PARD3: variants seen among roughly 807,000 people sequenced by gnomAD.
PARD3 encodes partitioning defective 3 homolog.
Under a neutral mutation model 155.4 loss-of-function variants are expected in PARD3, and 75 were observed. That is an observed-to-expected ratio of 0.48 (90% confidence interval 0.40 to 0.58). The LOEUF (loss-of-function observed/expected upper bound fraction) is 0.58, where lower values mean the gene tolerates loss of function less well. Ranked by LOEUF, PARD3 falls within the 20% of genes least tolerant of loss-of-function variation. PARD3 has a pLI of 0.00. For synonymous variants in PARD3, 576 were observed against 610.5 expected, an observed-to-expected ratio of 0.94 and a Z score of 0.83; for missense variants, 1,642 against 1,721.7, an observed-to-expected ratio of 0.95 and a Z score of 0.82.
intron 1 of PARD3, among the ~76,000 whole-genome samples, chr10:34,786,350 C>T (rs1564618666): frequency 6.6e-6 from 1 of 152,130 alleles, no homozygotes; most frequent in Non-Finnish European, 1.5e-5. Flanking sequence ...AGCTTTGACC[C>T]ATAACTATTG....
intron 22 of PARD3, among the ~76,000 whole-genome samples, chr10:34,233,533 C>A (rs1358446243): frequency 6.6e-6 from 1 of 152,076 alleles, no homozygotes; most frequent in Admixed American, 6.5e-5. Context: ...ACATATCTAA[C>A]CATTTGCTTG....
chr10:34,569,165 T>A (rs1057301301), intron 2 of PARD3, among the ~76,000 whole-genome samples: 1 of 152,068 alleles, frequency 6.6e-6, no homozygotes, highest in African/African-American at 2.4e-5. Context: ...AAATACAACA[T>A]GAGAAAAATT....
chr10:34,187,292 C>T (rs1950531181), intron 22 of PARD3, among the ~76,000 whole-genome samples: 1 of 152,184 alleles, frequency 6.6e-6, no homozygotes, highest in African/African-American at 2.4e-5. Flanking sequence ...ATTGAAGTGG[C>T]TCCACCATGA....
chr10:34,359,754 G>A (rs1256348541), intron 13 of PARD3, among the ~76,000 whole-genome samples: 1 of 152,190 alleles, frequency 6.6e-6, no homozygotes, highest in Non-Finnish European at 1.5e-5. Context: ...ACAAACAGGG[G>A]AGGGGAGGGG....
At chr10:34,699,533 T>C (rs2094235304) in intron 1 of PARD3, among the ~76,000 whole-genome samples, 1 of 152,084 alleles carries the variant, frequency 6.6e-6, no homozygotes. Flanking sequence ...AAGGGAAGAG[T>C]CCAGTATCCA....
chr10:34,530,287 T>C (rs1589896209), intron 2 of PARD3, among the ~76,000 whole-genome samples: 2 of 152,166 alleles, frequency 1.3e-5, no homozygotes, highest in African/African-American at 2.4e-5. Flanking sequence ...CCAACCCTTC[T>C]TCCACTGTTC....
At chr10:34,547,326 T>C (rs529008336) in intron 2 of PARD3, among the ~76,000 whole-genome samples, 41 of 152,374 alleles carry the variant, frequency 2.7e-4, no homozygotes, top group Admixed American at 1.8e-3. Flanking sequence ...ATCACATGCA[T>C]AGCATTTTTT....
At chr10:34,418,350 T>G (rs748354718) in intron 5 of PARD3, among the ~76,000 whole-genome samples, 11 of 152,076 alleles carry the variant, frequency 7.2e-5, no homozygotes, top group Middle Eastern at 3.2e-3. Flanking sequence ...AATTCTTATA[T>G]TTTTCTAGAG....
chr10:34,589,732 A>G lies in PARD3; in HGVS notation c.223-72573T>C, dbSNP rs2088486790. 4.6e-5 allele frequency among the ~76,000 whole-genome samples: 5 copies of G among 108,798 alleles called. No individual in the cohort carries two copies. The South Asian group carries it at 1.7e-3, about 37-fold the overall frequency. The allele number at this position is 108,798 out of a possible 152,430, so 71.4% of individuals were successfully genotyped here. ...AACTCATTGTATCTTGTTAATCCTG[A>G]ATTCACAGTTTTACTGGGGGGCTGG... On this transcript the variant is annotated intron_variant, in intron 2 of 24. Coordinates refer to ENST00000374788, the MANE Select transcript of PARD3 (RefSeq NM_001184785.2).
At chr10:34,298,761 C>T (rs1466808825) in intron 20 of PARD3, among the ~76,000 whole-genome samples, 3 of 152,042 alleles carry the variant, frequency 2.0e-5, no homozygotes, top group East Asian at 1.9e-4. Context: ...TATTTCACCA[C>T]GATTTAAAAT....
rs116667769 is a variant in PARD3, at chr10:34,630,087, G to A, written c.222+66231C>T. ...GGCCTATCAAACTAGAAGAGGGAGG[G>A]AGAGAGGAAATGGAGAAAGTGATCT... On this transcript the variant is annotated intron_variant, in intron 2 of 24. Transcript: ENST00000374788. Among the ~76,000 whole-genome samples, 1,107 of 152,184 alleles carry A rather than the reference G, an allele frequency of 7.3e-3. 14 individuals carry two copies. The highest frequency in any genetic ancestry group is 0.026 in the African/African-American group (1,066 of 41,514).
intron 20 of PARD3, among the ~76,000 whole-genome samples, chr10:34,316,158 A>G (rs1957993067): frequency 6.6e-6 from 1 of 152,240 alleles, no homozygotes; most frequent in African/African-American, 2.4e-5. Flanking sequence ...ATAATGCAGG[A>G]TAACTACTTT....
intron 1 of PARD3, among the ~76,000 whole-genome samples, chr10:34,757,253 C>A (rs1315335544): frequency 6.6e-6 from 1 of 152,150 alleles, no homozygotes; most frequent in Admixed American, 6.5e-5. Flanking sequence ...AATTACTAGT[C>A]AGCACTAAAA....
chr10:34,784,765 C>T (rs557553837), intron 1 of PARD3, among the ~76,000 whole-genome samples: 74 of 152,132 alleles, frequency 4.9e-4, no homozygotes, highest in Non-Finnish European at 6.0e-4. Context: ...GATTTTCTTC[C>T]CCTTTTTTCC....
rs111594895 is a variant in PARD3, at chr10:34,762,216, T to A, written c.120+52660A>T. Among the ~76,000 whole-genome samples, 830 of 151,922 alleles carry A rather than the reference T, an allele frequency of 5.5e-3. 9 individuals are homozygous for A. The highest frequency in any genetic ancestry group is 0.019 in the African/African-American group (789 of 41,438). ...TTATCAACCCACTTTACTAAACAGTTTACTTTTTTGTGTGTGAGAAAGAGA... is the reference window on the plus strand; with the variant it reads ...TTATCAACCCACTTTACTAAACAGTATACTTTTTTGTGTGTGAGAAAGAGA... On this transcript the variant is annotated intron_variant, in intron 1 of 24. Coordinates refer to ENST00000374788, the MANE Select transcript of PARD3 (RefSeq NM_001184785.2).
chr10:34,387,631 G>A (rs1842480248), intron 7 of PARD3, among the ~76,000 whole-genome samples: 1 of 152,092 alleles, frequency 6.6e-6, no homozygotes, highest in Admixed American at 6.6e-5. Context: ...TGCCCAGGCT[G>A]GTCTTGAACT....
At chr10:34,586,485 G>A (rs1223244494) in intron 2 of PARD3, among the ~76,000 whole-genome samples, 1 of 152,166 alleles carries the variant, frequency 6.6e-6, no homozygotes, top group East Asian at 1.9e-4. Context: ...ATCAGTGTCT[G>A]TGTTTTTATA....
intron 15 of PARD3, among the ~76,000 whole-genome samples, chr10:34,342,208 T>C (rs530205504): frequency 6.6e-6 from 1 of 152,360 alleles, no homozygotes; most frequent in Admixed American, 6.5e-5. Flanking sequence ...TATTCATTCA[T>C]TCATTGAGCA....
At chr10:34,679,808 A>G (rs1219586266) in intron 2 of PARD3, among the ~76,000 whole-genome samples, 1 of 152,166 alleles carries the variant, frequency 6.6e-6, no homozygotes, top group African/African-American at 2.4e-5. Context: ...CAGGGATGGA[A>G]CTGGAGGCCA....
Sources: allele counts gnomAD v4.1 joint callset (sites outside exome capture counted in the v4.1 genomes callset), GRCh38; gene constraint gnomAD v4.1.1; transcripts MANE v1.5; gene names NCBI Gene and HGNC (gene_info 2026-07-23, HGNC 2026-07-21).